ZDHHC14: variants seen among roughly 807,000 people sequenced by gnomAD.
ZDHHC14 encodes zDHHC palmitoyltransferase 14.
A neutral mutation model predicts 47.7 loss-of-function variants in ZDHHC14; 16 were observed. The observed-to-expected ratio is 0.34, with a 90% CI of 0.23 to 0.51. The LOEUF (loss-of-function observed/expected upper bound fraction) is 0.51. Ranked by LOEUF, ZDHHC14 falls within the 20% of genes least tolerant of loss-of-function variation. The probability of loss-of-function intolerance (pLI) is 0.97; values close to 1 mark genes in which losing one functional copy is unlikely to be tolerated. For synonymous variants in ZDHHC14, 293 were observed against 278.9 expected, an observed-to-expected ratio of 1.05 and a Z score of -0.50; for missense variants, 515 against 662.5, an observed-to-expected ratio of 0.78 and a Z score of 2.44.
intron 2 of ZDHHC14, among the ~76,000 whole-genome samples, chr6:157,563,973 C>A (rs1367287065): frequency 6.6e-6 from 1 of 152,210 alleles, no homozygotes; most frequent in Non-Finnish European, 1.5e-5. Context: ...TGCAGACCAA[C>A]CCCAAGGGCC....
chr6:157,463,689 C>T lies in ZDHHC14; in HGVS notation c.246-78896C>T, dbSNP rs1015554338. On this transcript the variant is annotated intron_variant, in intron 1 of 8. Coordinates refer to ENST00000359775, the MANE Select transcript of ZDHHC14 (RefSeq NM_024630.3). This position sits in a 1 kb window ranked among gnomAD's most constrained non-coding sequence, Gnocchi z 4.4. The stretch of plus-strand genomic sequence containing the variant: ...AGCTAAGCAGATGGTGCTGGCACTT[C>T]GTCCCAATGTCTCCCCGCTTTACCT... 2.0e-5 allele frequency among the ~76,000 whole-genome samples: 3 copies of T among 152,206 alleles called. No individual in the cohort carries two copies. Among genetic ancestry groups the T allele is most frequent in the Non-Finnish European group, 2.9e-5 (2 of 68,042 alleles).
chr6:157,471,758 C>T (rs1779360491), intron 1 of ZDHHC14, among the ~76,000 whole-genome samples: 1 of 152,198 alleles, frequency 6.6e-6, no homozygotes, highest in Admixed American at 6.5e-5. Flanking sequence ...AAATGCCCCT[C>T]AGAGGCAGCG....
At chr6:157,640,132 G>A (rs1482816862) in intron 5 of ZDHHC14, among the ~76,000 whole-genome samples, 1 of 152,164 alleles carries the variant, frequency 6.6e-6, no homozygotes, top group Non-Finnish European at 1.5e-5. Flanking sequence ...GGGCCTCCCT[G>A]AGGAAGACCC....
chr6:157,613,063 A>G (rs1176752501), intron 3 of ZDHHC14, among the ~76,000 whole-genome samples: 2 of 152,214 alleles, frequency 1.3e-5, no homozygotes, highest in Non-Finnish European at 2.9e-5. Flanking sequence ...ATCCTTGCAC[A>G]GTTCTGGGAG....
At chr6:157,525,905 C>G (rs1029614163) in intron 1 of ZDHHC14, among the ~76,000 whole-genome samples, 8 of 152,192 alleles carry the variant, frequency 5.3e-5, no homozygotes, top group Non-Finnish European at 1.2e-4. Context: ...ATGGGCTTTT[C>G]AGGAATTGCC....
At chr6:157,534,106 G>T (rs1326213503) in intron 1 of ZDHHC14, among the ~76,000 whole-genome samples, 1 of 152,096 alleles carries the variant, frequency 6.6e-6, no homozygotes, top group Non-Finnish European at 1.5e-5. Context: ...GAGGCAGAAT[G>T]GACACCCTTC....
chr6:157,447,943 C>G (rs1276198775), intron 1 of ZDHHC14, among the ~76,000 whole-genome samples: 4 of 152,108 alleles, frequency 2.6e-5, no homozygotes. Flanking sequence ...GTGATCATAG[C>G]TCACTGCAGC....
intron 2 of ZDHHC14, among the ~76,000 whole-genome samples, chr6:157,567,043 G>A (rs1232351162): frequency 1.3e-5 from 2 of 151,902 alleles, no homozygotes; most frequent in Non-Finnish European, 2.9e-5. Flanking sequence ...TAGAGACGGG[G>A]TTTCACCATG....
chr6:157,572,106 T>C (rs914730642), intron 2 of ZDHHC14, among the ~76,000 whole-genome samples: 6 of 152,122 alleles, frequency 3.9e-5, no homozygotes, highest in African/African-American at 1.4e-4. Context: ...GGCCCACACT[T>C]TGAGTAGCAA....
At chr6:157,564,663 T>C (rs1282278354) in intron 2 of ZDHHC14, among the ~76,000 whole-genome samples, 2 of 152,206 alleles carry the variant, frequency 1.3e-5, no homozygotes, top group Non-Finnish European at 2.9e-5. Flanking sequence ...TAAGAAATAA[T>C]TTCTTAAATC....
In ZDHHC14 at chr6:157,531,939, C is replaced by A. The variant is rs566375036; in HGVS notation, c.246-10646C>A. ...TCCCAGAGGGCCTGGCCTCGTTCTG[C>A]GGGATGGGCGTGGGGGTGCCAGCTC... is the stretch of plus-strand genomic sequence containing the variant. On this transcript the variant is annotated intron_variant, in intron 1 of 8. Coordinates refer to ENST00000359775, the MANE Select transcript of ZDHHC14 (RefSeq NM_024630.3). Among the ~76,000 whole-genome samples the A allele has an allele frequency of 3.9e-5, 6 of 152,394 alleles. No homozygotes were observed. In the South Asian group the frequency reaches 1.0e-3, roughly 26 times the overall value.
intron 1 of ZDHHC14, among the ~76,000 whole-genome samples, chr6:157,489,117 A>C (rs1779851244): frequency 6.6e-6 from 1 of 152,332 alleles, no homozygotes; most frequent in South Asian, 2.1e-4. Context: ...CGAGGGTGTA[A>C]GCAACCTGCC....
intron 1 of ZDHHC14, among the ~76,000 whole-genome samples, chr6:157,416,979 T>G (rs867092267): frequency 0.013 from 1,409 of 106,706 alleles, 7 homozygotes; most frequent in Non-Finnish European, 0.021. Context: ...CTAGTTTTTT[T>G]TTTTTTTTTT....
At chr6:157,482,445 G>T (rs2114717094) in intron 1 of ZDHHC14, among the ~76,000 whole-genome samples, 1 of 151,770 alleles carries the variant, frequency 6.6e-6, no homozygotes, top group East Asian at 1.9e-4. Context: ...TAGAGACCGG[G>T]GTTTCACCAT....
chr6:157,490,380 A>T (rs983606301), intron 1 of ZDHHC14, among the ~76,000 whole-genome samples: 14 of 152,176 alleles, frequency 9.2e-5, no homozygotes, highest in Non-Finnish European at 1.5e-4. Context: ...CCACATACGG[A>T]TGCACACACT....
chr6:157,617,668 C>T (rs1416948380), intron 3 of ZDHHC14, among the ~76,000 whole-genome samples: 3 of 132,116 alleles, frequency 2.3e-5, no homozygotes, highest in African/African-American at 3.4e-5. Flanking sequence ...CATGAGACAA[C>T]TCTATTCTGA....
intron 3 of ZDHHC14, among the ~76,000 whole-genome samples, chr6:157,624,730 G>C (rs1785333315): frequency 6.6e-6 from 1 of 152,194 alleles, no homozygotes. Flanking sequence ...ATGTCCTTTT[G>C]ATAAGATGAG....
intron 1 of ZDHHC14, among the ~76,000 whole-genome samples, chr6:157,503,489 A>C (rs1483924739): frequency 6.6e-6 from 1 of 152,202 alleles, no homozygotes; most frequent in East Asian, 1.9e-4. Context: ...TCTCCAAGCC[A>C]CAGGCTGCTG....
In ZDHHC14 at chr6:157,582,872, C is replaced by T. The variant is rs137941832; in HGVS notation, c.407-10116C>T. 2.0e-5 allele frequency among the ~76,000 whole-genome samples: 3 copies of T among 152,094 alleles called. No individual in the cohort carries two copies. Among genetic ancestry groups the T allele is most frequent in the East Asian group, 1.9e-4 (1 of 5,160 alleles). On this transcript the variant is annotated intron_variant, in intron 2 of 8. Coordinates refer to ENST00000359775, the MANE Select transcript of ZDHHC14 (RefSeq NM_024630.3). The surrounding 1 kb of genome is among the most constrained non-coding windows in gnomAD (Gnocchi z 4.3). ...GTCTCTTTCAGGAACACCAATGAGT[C>T]GCTGATTTGGTCTCTTTACATAAGC...
Sources: gnomAD v4.1 joint callset for allele counts (sites outside exome capture counted in the v4.1 genomes callset) on GRCh38, gnomAD v4.1.1 for gene constraint, Gnocchi (gnomAD v3.1) non-coding constraint, MANE v1.5 for transcripts, NCBI Gene and HGNC (gene_info 2026-07-23, HGNC 2026-07-21) for gene names.